Variants in TRPM1 observed in about 807,000 individuals in gnomAD.
The protein encoded by TRPM1 is transient receptor potential cation channel subfamily M member 1.
Under a neutral mutation model 149.4 loss-of-function variants are expected in TRPM1, and 113 were observed. The observed-to-expected ratio is 0.76, with a 90% CI of 0.65 to 0.88. The LOEUF is 0.88. TRPM1 is among the 40% of genes least tolerant of loss of function. The pLI is 0.00. For missense variants in TRPM1, 1,976 were observed against 2,038.7 expected (o/e 0.97, Z 0.59); for synonymous variants, 741 against 759.5 (o/e 0.98, Z 0.40).
At chr15:31,093,545 G>C (rs1246261894) in intron 1 of TRPM1, among the ~76,000 whole-genome samples, 1 of 151,922 alleles carries the variant, frequency 6.6e-6, no homozygotes, top group Non-Finnish European at 1.5e-5. Context: ...TAAATGGAAA[G>C]ACATCCTGTA....
At chr15:31,069,354 G>T in intron 4 of TRPM1, 2 of 913,334 alleles carry the variant, frequency 2.2e-6, no homozygotes, top group Non-Finnish European at 2.6e-6. Context: ...GGGCTAATAT[G>T]TAGGGTGCCA....
intron 1 of TRPM1, among the ~76,000 whole-genome samples, chr15:31,115,796 A>C (rs2035789903): frequency 6.6e-6 from 1 of 151,812 alleles, no homozygotes; most frequent in African/African-American, 2.4e-5. Context: ...CAAGCGGCTA[A>C]AACAAAAAAT....
chr15:31,015,364 A>G (rs931655915), intron 27 of TRPM1, among the ~76,000 whole-genome samples: 1 of 151,892 alleles, frequency 6.6e-6, no homozygotes, highest in Non-Finnish European at 1.5e-5. Flanking sequence ...GTGAGCCGAG[A>G]TCATGCCATT....
Position 31,135,028 on chromosome 15 carries a change from C to T in TRPM1, c.54+25878G>A, listed in dbSNP as rs546112499. 2.0e-5 allele frequency among the ~76,000 whole-genome samples: 3 copies of T among 152,216 alleles called. No individual in the cohort carries two copies. The East Asian group carries it at 5.8e-4, about 29-fold the overall frequency. On this transcript the variant is annotated intron_variant, in intron 1 of 26. Transcript: ENST00000542188. ...GGAAAAAAAAAAGAGATTGGCTCAA[C>T]TCCCTGGTTATCCCCCATATATACA...
chr15:31,154,465 A>T (rs973336065), intron 1 of TRPM1, among the ~76,000 whole-genome samples: 1 of 152,230 alleles, frequency 6.6e-6, no homozygotes, highest in Non-Finnish European at 1.5e-5. Context: ...TAAGACAGTG[A>T]AAGAGATCTA....
Position 31,031,109 on chromosome 15 carries a change from T to A in TRPM1, c.3001A>T (p.Ser1001Cys). Reference sequence around the variant, plus strand: ...ATGGCTTGACGGGCTACTCCGAAACTCATGAGCACGACCAGCATGATGACC... The same window carrying A: ...ATGGCTTGACGGGCTACTCCGAAACACATGAGCACGACCAGCATGATGACC... The part of the protein sequence containing the change: ...FVVIMLVVLM[S>C]FGVARQAILH... Residue 1001 changes from serine to cysteine, a missense_variant, in exon 23 of 28, where the codon AGT becomes TGT. By Grantham distance (112) the Ser-to-Cys change is moderately radical. This residue lies in a region of TRPM1 where 1,332 missense variants were observed against 1,347.1 expected (regional missense o/e 0.99). Coordinates refer to ENST00000256552, the MANE Select transcript of TRPM1 (RefSeq NM_001252024.2). The A allele has an allele frequency of 1.2e-6, 2 of 1,614,208 alleles. No homozygotes were observed. The highest frequency in any genetic ancestry group is 1.7e-6 in the Non-Finnish European group (2 of 1,180,022).
At position 31,076,687 on chromosome 15, in the gene TRPM1, T is replaced by C. The variant is rs2241496; in HGVS notation, c.83+218A>G. Among the ~76,000 whole-genome samples the C allele has an allele frequency of 0.53, 79,868 of 151,530 alleles. 21,399 individuals are homozygous for C. The highest frequency in any genetic ancestry group is 0.79 in the East Asian group (4,050 of 5,128). ...ATGTGGGCCCAGTTGGCTATGAGAG[T>C]TCGCATTAGGGTGGGTGGTGGACAC... On this transcript the variant is annotated intron_variant, in intron 3 of 27. Transcript: ENST00000256552.
At chr15:31,092,021 C>G (rs1254192142) in intron 1 of TRPM1, among the ~76,000 whole-genome samples, 1 of 142,604 alleles carries the variant, frequency 7.0e-6, no homozygotes, top group Admixed American at 7.5e-5. Flanking sequence ...TCGGAGCTCC[C>G]AGGTGGGCCC....
chr15:31,069,753 A>T, intron 4 of TRPM1: 18 of 1,440,570 alleles, frequency 1.2e-5, no homozygotes, highest in Non-Finnish European at 1.2e-5. Flanking sequence ...GGAGCAATGG[A>T]GTGTGTTTGC....
intron 1 of TRPM1, among the ~76,000 whole-genome samples, chr15:31,134,256 A>G (rs1225936991): frequency 6.6e-6 from 1 of 152,236 alleles, no homozygotes; most frequent in Non-Finnish European, 1.5e-5. Flanking sequence ...GCAGAGAAGC[A>G]TATTAGTTAT....
rs547094947 is a variant in TRPM1, at chr15:31,131,215, T to C, written c.54+29691A>G. ...AACCATCAGCCACTTAGAGCGACTG[T>C]TGCGGCAGCACAGTGCTTGTGTTCA... On this transcript the variant is annotated intron_variant, in intron 1 of 26. Transcript: ENST00000542188. Among the ~76,000 whole-genome samples the C allele has an allele frequency of 2.6e-5, 4 of 152,232 alleles. No homozygotes were observed. In the South Asian group the frequency reaches 8.3e-4, roughly 32 times the overall value.
At chr15:31,147,564 G>A (rs549954333) in intron 1 of TRPM1, among the ~76,000 whole-genome samples, 4 of 152,332 alleles carry the variant, frequency 2.6e-5, no homozygotes, top group South Asian at 2.1e-4. Context: ...ACTGGGGTTT[G>A]GACTAAGGAT....
intron 1 of TRPM1, among the ~76,000 whole-genome samples, chr15:31,146,456 G>A (rs906416476): frequency 6.6e-6 from 1 of 152,222 alleles, no homozygotes; most frequent in Non-Finnish European, 1.5e-5. Flanking sequence ...AGTCACCCAT[G>A]TTAAAGTTCC....
intron 1 of TRPM1, among the ~76,000 whole-genome samples, chr15:31,157,788 C>T (rs2036396210): frequency 6.6e-6 from 1 of 152,056 alleles, no homozygotes; most frequent in African/African-American, 2.4e-5. Flanking sequence ...GAAGAGCTGG[C>T]CAGCCAAGGA....
At chr15:31,131,209 C>T (rs879681217) in intron 1 of TRPM1, among the ~76,000 whole-genome samples, 2 of 152,172 alleles carry the variant, frequency 1.3e-5, no homozygotes, top group Non-Finnish European at 2.9e-5. Context: ...CCACTTAGAG[C>T]GACTGTTGCG....
chr15:31,050,459 CT>C lies in TRPM1; in HGVS notation c.1386del (p.Glu463ArgfsTer12). The part of the protein sequence containing the change: ...KGKGKKKGKV[K>X]EEVEEETDPR... ...GGGTCAGTTTCTTCCTCCACTTCCT[CT>C]TTCACTTTCCCTTTCTTCTTGCCTT... On this transcript the variant is annotated frameshift_variant, in exon 12 of 28. Coordinates refer to ENST00000256552, the MANE Select transcript of TRPM1 (RefSeq NM_001252024.2). LOFTEE classifies it high-confidence loss of function. The C allele has an allele frequency of 6.2e-7, 1 of 1,614,158 alleles. No individual in the cohort carries two copies. Among genetic ancestry groups the C allele is most frequent in the Non-Finnish European group, 8.5e-7 (1 of 1,180,036 alleles).
chr15:31,003,521 C>T (rs554475535), intron 27 of TRPM1, among the ~76,000 whole-genome samples: 9 of 152,186 alleles, frequency 5.9e-5, no homozygotes, highest in Non-Finnish European at 1.0e-4. Context: ...GCACTCACTC[C>T]GGTGCCTGTC....
At position 31,026,161 on chromosome 15, in the gene TRPM1, G is replaced by T. The variant is rs774889847; in HGVS notation, c.3607C>A (p.Arg1203Ser). The change falls in exon 27 of 28, where the codon CGC (arginine) becomes AGC (serine). Residue 1203 changes from arginine to serine, a missense_variant. Around this residue, in one of 3 missense-constraint regions of TRPM1, gnomAD observed 572 missense variants for 578.9 expected, o/e 0.99. Coordinates refer to ENST00000256552, the MANE Select transcript of TRPM1 (RefSeq NM_001252024.2). ...TACCTTTCAGAAGTGACCCGGATGC[G>T]CTCGTCGCTGGACGACTGCTGCTCA... is the stretch of plus-strand genomic sequence containing the variant. The part of the protein sequence containing the change: ...EDEQQSSSDE[R>S]IRVTSERVEN... 2.5e-6 allele frequency: 4 copies of T among 1,611,970 alleles called. No individual in the cohort carries two copies.
chr15:31,015,168 A>G (rs1235473223), intron 27 of TRPM1, among the ~76,000 whole-genome samples: 1 of 149,478 alleles, frequency 6.7e-6, no homozygotes, highest in East Asian at 2.0e-4. Flanking sequence ...AGCATTTGGG[A>G]GGCAGAGGCA....
Sources: gnomAD v4.1 joint callset for allele counts (sites outside exome capture counted in the v4.1 genomes callset) on GRCh38, gnomAD v4.1.1 for gene constraint, gnomAD v4.1.1 regional missense constraint, MANE v1.5 for transcripts, NCBI Gene and HGNC (gene_info 2026-07-23, HGNC 2026-07-21) for gene names.